CNTN3: variants seen among roughly 807,000 people sequenced by gnomAD.
CNTN3 encodes contactin 3, also known as contactin-3.
A neutral mutation model predicts 119.1 loss-of-function variants in CNTN3; 60 were observed. The observed-to-expected ratio is 0.50, with a 90% confidence interval of 0.41 to 0.62. CNTN3 has a LOEUF of 0.62. Among genes scored for constraint, CNTN3 ranks in the 20% least tolerant of loss-of-function variants. The pLI, the probability that CNTN3 is intolerant of heterozygous loss-of-function variation, is 0.00. For missense variants in CNTN3, 1,101 were observed against 1,242.4 expected (o/e 0.89, Z 1.71); for synonymous variants, 450 against 438.7 (o/e 1.03, Z -0.32).
At chr3:74,417,315 T>A (rs1701539948) in intron 5 of CNTN3, among the ~76,000 whole-genome samples, 1 of 152,190 alleles carries the variant, frequency 6.6e-6, no homozygotes. Context: ...TGGGGAGTGG[T>A]TTCGGGCAGT....
At chr3:74,575,485 C>T (rs1024746932) in intron 1 of CNTN3, among the ~76,000 whole-genome samples, 22 of 151,844 alleles carry the variant, frequency 1.4e-4, no homozygotes, top group African/African-American at 4.8e-4. Flanking sequence ...CTCCTAATTT[C>T]GTGATCTGCC....
intron 1 of CNTN3, among the ~76,000 whole-genome samples, chr3:74,548,751 T>G (rs2107156993): frequency 6.6e-6 from 1 of 152,318 alleles, no homozygotes; most frequent in East Asian, 1.9e-4. Context: ...GCTGTTTCAC[T>G]GAGAAAAAGT....
At chr3:74,591,853 G>T (rs1303724229) in intron 1 of CNTN3, among the ~76,000 whole-genome samples, 2 of 151,820 alleles carry the variant, frequency 1.3e-5, no homozygotes, top group Non-Finnish European at 2.9e-5. Flanking sequence ...GCCTTGGTTG[G>T]CAATGTGGAA....
intron 1 of CNTN3, among the ~76,000 whole-genome samples, chr3:74,523,478 T>G (rs1432963455): frequency 2.0e-5 from 3 of 151,838 alleles, no homozygotes; most frequent in Non-Finnish European, 4.4e-5. Context: ...CTAGGGACAA[T>G]GGGTAAGACT....
chr3:74,358,452 A>G (rs1703992434), intron 11 of CNTN3, among the ~76,000 whole-genome samples: 1 of 152,014 alleles, frequency 6.6e-6, no homozygotes, highest in Non-Finnish European at 1.5e-5. Context: ...AAAAAAAAAA[A>G]AAATTCTGTA....
At chr3:74,357,318 T>TTG (rs1169046883) in intron 11 of CNTN3, among the ~76,000 whole-genome samples, 1 of 143,314 alleles carries the variant, frequency 7.0e-6, no homozygotes, top group East Asian at 2.2e-4. Context: ...AGTTTCCCTC[T>TTG]TGTTGCCCAG....
At chr3:74,314,407 TAC>T (rs751986211) in intron 13 of CNTN3, among the ~76,000 whole-genome samples, 8 of 152,166 alleles carry the variant, frequency 5.3e-5, no homozygotes, top group Non-Finnish European at 1.0e-4. Context: ...ACATGTTGTC[TAC>T]AAAAACCTAT....
At chr3:74,391,446 G>A (rs1007061532) in intron 5 of CNTN3, among the ~76,000 whole-genome samples, 1 of 152,024 alleles carries the variant, frequency 6.6e-6, no homozygotes, top group African/African-American at 2.4e-5. Flanking sequence ...AAATAATGGG[G>A]CTGTGGAGAA....
chr3:74,390,368 G>GC (rs1491586792), intron 5 of CNTN3, among the ~76,000 whole-genome samples: 1 of 125,786 alleles, frequency 8.0e-6, no homozygotes, highest in Non-Finnish European at 1.7e-5. Flanking sequence ...CTGAGAGTAT[G>GC]CTTTTTTTTT....
chr3:74,353,986 A>AT (rs954445482), intron 11 of CNTN3, among the ~76,000 whole-genome samples: 14 of 151,928 alleles, frequency 9.2e-5, no homozygotes, highest in Non-Finnish European at 1.8e-4. Context: ...AGTGATCACT[A>AT]TTTTTTTCCC....
intron 1 of CNTN3, among the ~76,000 whole-genome samples, chr3:74,594,273 C>CTTTTTTTTTTTT (rs59436860): frequency 5.9e-4 from 66 of 111,838 alleles, no homozygotes; most frequent in East Asian, 1.3e-3. Flanking sequence ...TTCTTTTTTT[C>CTTTTTTTTTTTT]TTTTTTTTTT....
intron 20 of CNTN3, among the ~76,000 whole-genome samples, chr3:74,269,311 A>G (rs973582017): frequency 7.2e-5 from 11 of 152,100 alleles, no homozygotes; most frequent in African/African-American, 2.4e-4. Flanking sequence ...TGCCTTATAT[A>G]AACATTCTAA....
intron 1 of CNTN3, among the ~76,000 whole-genome samples, chr3:74,560,372 A>G (rs1704135398): frequency 6.6e-6 from 1 of 152,206 alleles, no homozygotes; most frequent in Non-Finnish European, 1.5e-5. Context: ...ACAGCTGGCT[A>G]TTATACATGC....
intron 4 of CNTN3, among the ~76,000 whole-genome samples, chr3:74,471,052 T>C (rs1702552554): frequency 6.6e-6 from 1 of 152,018 alleles, no homozygotes; most frequent in African/African-American, 2.4e-5. Flanking sequence ...AATTTTTGTA[T>C]TTTTAGTAGA....
chr3:74,439,914 C>T (rs914746446), intron 4 of CNTN3, among the ~76,000 whole-genome samples: 1 of 152,202 alleles, frequency 6.6e-6, no homozygotes, highest in Non-Finnish European at 1.5e-5. Context: ...ATCTGGCCAA[C>T]TGGTTCCTTA....
intron 1 of CNTN3, among the ~76,000 whole-genome samples, chr3:74,543,367 G>T (rs1458819814): frequency 6.6e-6 from 1 of 152,166 alleles, no homozygotes; most frequent in Non-Finnish European, 1.5e-5. Context: ...ACCTGGTCAA[G>T]ATAGGGTTTT....
Position 74,563,028 on chromosome 3 carries a change from C to G in CNTN3, c.-80-41836G>C, listed in dbSNP as rs1704176281. ...TCAGTCAATTAGATTGCCTGATTAG[C>G]TCAACATTCCACTGCATCATGCAAC... On this transcript the variant is annotated intron_variant, in intron 1 of 22. Transcript: ENST00000263665. Among the ~76,000 whole-genome samples the G allele has an allele frequency of 2.6e-5, 4 of 152,118 alleles. No individual in the cohort carries two copies. The South Asian group carries it at 8.3e-4, about 31-fold the overall frequency.
At position 74,334,887 on chromosome 3, in the gene CNTN3, G is replaced by C; in HGVS notation, c.1516C>G (p.Pro506Ala). 1 of 1,610,296 alleles carries C rather than the reference G, an allele frequency of 6.2e-7. No individual in the cohort carries two copies. The highest frequency in any genetic ancestry group is 8.5e-7 in the Non-Finnish European group (1 of 1,178,778). ...CCAACAGAAACATCCATGTTAGATGGTGCCAAAGTTATTCTTGTTGGTTCT... is the reference window on the plus strand; with the variant it reads ...CCAACAGAAACATCCATGTTAGATGCTGCCAAAGTTATTCTTGTTGGTTCT... Reference protein sequence around the residue: ...VTEPTRITLAPSNMDVSVGES... With the variant: ...VTEPTRITLAASNMDVSVGES... Residue 506 changes from proline (P) to alanine (A), a missense_variant, in exon 13 of 23, where the codon CCA becomes GCA. By Grantham distance (27) the Pro-to-Ala change is conservative. Transcript: ENST00000263665.
At chr3:74,575,909 T>C (rs73116685) in intron 1 of CNTN3, among the ~76,000 whole-genome samples, 37 of 152,010 alleles carry the variant, frequency 2.4e-4, no homozygotes, top group Non-Finnish European at 5.0e-4. Flanking sequence ...TTTTCAGAGA[T>C]ATGCCCAGGT....
Sources: gnomAD v4.1 joint callset for allele counts (sites outside exome capture counted in the v4.1 genomes callset) on GRCh38, gnomAD v4.1.1 for gene constraint, MANE v1.5 for transcripts, NCBI Gene and HGNC (gene_info 2026-07-23, HGNC 2026-07-21) for gene names.